Variants in ROBO1 observed in about 807,000 individuals in gnomAD.
The protein encoded by ROBO1 is roundabout guidance receptor 1.
A neutral mutation model predicts 195.9 loss-of-function variants in ROBO1; 149 were observed. The ratio of observed to expected loss-of-function variants is 0.76; its 90% CI spans 0.67 to 0.87. The LOEUF is 0.87. ROBO1 is among the 40% of genes least tolerant of loss of function. ROBO1 has a pLI of 0.00. For synonymous variants in ROBO1, 816 were observed against 733.2 expected (o/e 1.11, Z -1.82); for missense variants, 1,933 against 2,068.3 (o/e 0.93, Z 1.27).
At chr3:78,876,516 T>A (rs1425246164) in intron 4 of ROBO1, among the ~76,000 whole-genome samples, 1 of 152,210 alleles carries the variant, frequency 6.6e-6, no homozygotes, top group African/African-American at 2.4e-5. Flanking sequence ...GCTACACACG[T>A]AATGCACTGC....
chr3:78,833,995 T>C (rs2032470856), intron 4 of ROBO1, among the ~76,000 whole-genome samples: 2 of 152,120 alleles, frequency 1.3e-5, no homozygotes, highest in Admixed American at 6.6e-5. Context: ...GGGAAGCTTA[T>C]TTAAGAGAAT....
At chr3:78,718,166 T>G (rs2081949205) in intron 5 of ROBO1, among the ~76,000 whole-genome samples, 1 of 152,210 alleles carries the variant, frequency 6.6e-6, no homozygotes, top group African/African-American at 2.4e-5. Context: ...CCAAGTTATT[T>G]CATATTATTT....
At chr3:78,970,705 C>A (rs2076745084) in intron 3 of ROBO1, among the ~76,000 whole-genome samples, 1 of 152,020 alleles carries the variant, frequency 6.6e-6, no homozygotes, top group African/African-American at 2.4e-5. Flanking sequence ...ATAAGGAAAT[C>A]ATCTTCCAGA....
intron 1 of ROBO1, among the ~76,000 whole-genome samples, chr3:79,598,345 C>T (rs892939795): frequency 4.6e-5 from 7 of 151,998 alleles, no homozygotes; most frequent in African/African-American, 1.7e-4. Flanking sequence ...TCAACCTACA[C>T]CAAATTCAGG....
At chr3:78,614,583 G>T in intron 28 of ROBO1, 65 bp downstream of exon 28, 1 of 1,557,792 alleles carries the variant, frequency 6.4e-7, no homozygotes, top group Non-Finnish European at 8.8e-7. Context: ...GCATTTGCTA[G>T]TCCTAGAGAG....
At chr3:79,204,189 T>C (rs2081821706) in intron 2 of ROBO1, among the ~76,000 whole-genome samples, 1 of 152,200 alleles carries the variant, frequency 6.6e-6, no homozygotes, top group Non-Finnish European at 1.5e-5. Context: ...TATTCATCAC[T>C]TCAAACCTCT....
chr3:79,678,609 C>A (rs1033970076), intron 1 of ROBO1, among the ~76,000 whole-genome samples: 2 of 151,968 alleles, frequency 1.3e-5, no homozygotes, highest in Non-Finnish European at 2.9e-5. Context: ...TTTTAGAATT[C>A]ATTAGGAATT....
intron 3 of ROBO1, among the ~76,000 whole-genome samples, chr3:79,053,056 T>G (rs1425119374): frequency 6.6e-6 from 1 of 152,068 alleles, no homozygotes; most frequent in Non-Finnish European, 1.5e-5. Context: ...ACCTTAGATG[T>G]AGAACTATGG....
chr3:79,630,040 G>A (rs1945292275), intron 1 of ROBO1, among the ~76,000 whole-genome samples: 1 of 151,852 alleles, frequency 6.6e-6, no homozygotes, highest in African/African-American at 2.4e-5. Context: ...GATTCACAAT[G>A]AATTTTACAA....
chr3:78,641,610 T>A (rs2107569281), intron 21 of ROBO1, among the ~76,000 whole-genome samples: 1 of 152,320 alleles, frequency 6.6e-6, no homozygotes, highest in East Asian at 1.9e-4. Flanking sequence ...TATTTTATTT[T>A]TCTTTGAACT....
intron 4 of ROBO1, among the ~76,000 whole-genome samples, chr3:78,767,238 C>A (rs62257476): frequency 7.7e-6 from 1 of 130,594 alleles, no homozygotes; most frequent in Non-Finnish European, 1.6e-5. Context: ...GCTGTGAATC[C>A]GTCTGGTCCT....
intron 2 of ROBO1, among the ~76,000 whole-genome samples, chr3:79,442,714 C>T (rs893208837): frequency 6.6e-6 from 1 of 152,114 alleles, no homozygotes; most frequent in Non-Finnish European, 1.5e-5. Context: ...CATGGTGGAA[C>T]CAACTTTTGA....
At chr3:78,943,490 C>A (rs1051184600) in intron 3 of ROBO1, among the ~76,000 whole-genome samples, 1 of 152,106 alleles carries the variant, frequency 6.6e-6, no homozygotes, top group Non-Finnish European at 1.5e-5. Context: ...AAATGTTTTC[C>A]ATATTATTAA....
intron 2 of ROBO1, among the ~76,000 whole-genome samples, chr3:79,423,907 C>T (rs2106956145): frequency 6.6e-6 from 1 of 151,858 alleles, no homozygotes; most frequent in African/African-American, 2.4e-5. Flanking sequence ...CATAATTCTC[C>T]CATCTGCCCA....
At position 79,151,724 on chromosome 3, in the gene ROBO1, G is replaced by A. The variant is rs114640476; in HGVS notation, c.89-26185C>T. ...ACAGTACAATTTGGGCCAGTTTCCC[G>A]TTTGATCACTACACTGAAGTGCTGG... On this transcript the variant is annotated intron_variant, in intron 2 of 30. Coordinates refer to ENST00000464233, the MANE Select transcript of ROBO1 (RefSeq NM_002941.4). Among the ~76,000 whole-genome samples the A allele has an allele frequency of 8.2e-3, 1,248 of 151,854 alleles. 8 individuals carry two copies. Among genetic ancestry groups the A allele is most frequent in the African/African-American group, 0.013 (545 of 41,474 alleles).
chr3:79,067,591 T>G (rs1576635066), intron 3 of ROBO1, among the ~76,000 whole-genome samples: 1 of 151,594 alleles, frequency 6.6e-6, no homozygotes, highest in East Asian at 2.0e-4. Context: ...ACATAGATCT[T>G]AAGATTCCAT....
intron 4 of ROBO1, among the ~76,000 whole-genome samples, chr3:78,820,473 C>T (rs948598342): frequency 6.6e-6 from 1 of 152,118 alleles, no homozygotes; most frequent in African/African-American, 2.4e-5. Flanking sequence ...GTAGGTAGAA[C>T]AAATGCTTGT....
chr3:79,216,508 T>C (rs1248793818), intron 2 of ROBO1, among the ~76,000 whole-genome samples: 1 of 152,078 alleles, frequency 6.6e-6, no homozygotes. Flanking sequence ...TTGATTCTAA[T>C]GTTTGGTAAT....
intron 4 of ROBO1, among the ~76,000 whole-genome samples, chr3:78,907,983 T>A (rs2038025824): frequency 6.6e-6 from 1 of 151,924 alleles, no homozygotes; most frequent in African/African-American, 2.4e-5. Context: ...CAAAGTATCA[T>A]TCATGGAAAT....
Sources: gnomAD v4.1 joint callset for allele counts (sites outside exome capture counted in the v4.1 genomes callset) on GRCh38, gnomAD v4.1.1 for gene constraint, MANE v1.5 for transcripts, NCBI Gene and HGNC (gene_info 2026-07-23, HGNC 2026-07-21) for gene names.